DLGAP4: variants seen among roughly 807,000 people sequenced by gnomAD.
The protein encoded by DLGAP4 is DLG associated protein 4.
DLGAP4 carries 18 observed loss-of-function variants against 86.9 expected under a neutral mutation model. The ratio of observed to expected loss-of-function variants is 0.21; its 90% CI spans 0.14 to 0.31. The LOEUF (loss-of-function observed/expected upper bound fraction) is 0.31, where lower values mean the gene tolerates loss of function less well. DLGAP4 is among the 10% of genes least tolerant of loss of function. The pLI, the probability that DLGAP4 is intolerant of heterozygous loss-of-function variation, is 1.00. For synonymous variants in DLGAP4, 548 were observed against 574.3 expected, an observed-to-expected ratio of 0.95 and a Z score of 0.65; for missense variants, 1,085 against 1,362.6, an observed-to-expected ratio of 0.80 and a Z score of 3.21.
chr20:36,352,196 G>A (rs1247116111), intron 1 of DLGAP4, among the ~76,000 whole-genome samples: 1 of 152,172 alleles, frequency 6.6e-6, no homozygotes, highest in African/African-American at 2.4e-5. Flanking sequence ...TGGGGAAGGA[G>A]GGCATGATGG....
chr20:36,496,695 C>T lies in DLGAP4; in HGVS notation c.1649-10C>T, dbSNP rs774174787. Reference sequence around the variant, plus strand: ...CACCTCTCCCCTGCCCTTCTCTCATCCATCTGCAGGTTCATCATGCCTAGT... The same window carrying T: ...CACCTCTCCCCTGCCCTTCTCTCATTCATCTGCAGGTTCATCATGCCTAGT... On this transcript the variant is annotated splice_polypyrimidine_tract_variant and intron_variant, in intron 7 of 12. Transcript: ENST00000339266. 3.8e-6 allele frequency: 6 copies of T among 1,593,064 alleles called. No homozygotes were observed. The East Asian group carries it at 1.4e-4, about 36-fold the overall frequency.
In DLGAP4 at chr20:36,382,810, G is replaced by A. The variant is rs1412196279; in HGVS notation, c.-73+15535G>A. Among the ~76,000 whole-genome samples the A allele has an allele frequency of 4.6e-5, 7 of 152,028 alleles. 1 individual carries two copies. The highest frequency in any genetic ancestry group is 8.8e-5 in the Non-Finnish European group (6 of 68,006). On this transcript the variant is annotated intron_variant, in intron 2 of 12. Coordinates refer to ENST00000339266, the MANE Select transcript of DLGAP4 (RefSeq NM_001365621.2). Reference sequence around the variant, plus strand: ...CTCCCAGAGTGCTGGGATTACAGGCGTGAGCCACCATGCCTGGCTGGCTTG... The same window carrying A: ...CTCCCAGAGTGCTGGGATTACAGGCATGAGCCACCATGCCTGGCTGGCTTG...
intron 2 of DLGAP4, among the ~76,000 whole-genome samples, chr20:36,429,440 T>C (rs1182051449): frequency 3.5e-5 from 5 of 143,004 alleles, no homozygotes; most frequent in Admixed American, 2.2e-4. Context: ...AGTCTTATTC[T>C]GTCACCCAGG....
intron 2 of DLGAP4, among the ~76,000 whole-genome samples, chr20:36,367,899 C>CTG (rs2030753545): frequency 6.6e-6 from 1 of 152,184 alleles, no homozygotes; most frequent in African/African-American, 2.4e-5. Flanking sequence ...TCCCAAGGCT[C>CTG]TGCTGGCATA....
intron 7 of DLGAP4, chr20:36,461,887 C>T (rs1416237157): frequency 2.0e-6 from 2 of 984,954 alleles, no homozygotes; most frequent in East Asian, 1.1e-4. Flanking sequence ...CGCAGCCCCT[C>T]CCTCGCTCCC....
At chr20:36,401,078 G>T (rs1381613827) in intron 2 of DLGAP4, among the ~76,000 whole-genome samples, 3 of 138,274 alleles carry the variant, frequency 2.2e-5, no homozygotes, top group African/African-American at 7.9e-5. Flanking sequence ...TCCCCCACCC[G>T]CCCAGCAACC....
intron 1 of DLGAP4, among the ~76,000 whole-genome samples, chr20:36,317,176 CCTTT>C: frequency 6.6e-6 from 1 of 151,944 alleles, no homozygotes; most frequent in East Asian, 1.9e-4. Context: ...CTCCTTCCTT[CCTTT>C]CTTTTCCTTC....
intron 2 of DLGAP4, among the ~76,000 whole-genome samples, chr20:36,428,710 G>A (rs536946308): frequency 2.4e-4 from 36 of 152,378 alleles, no homozygotes; most frequent in African/African-American, 4.3e-4. Context: ...TCCTGGTTCC[G>A]TGTGGCTTTG....
intron 7 of DLGAP4, chr20:36,461,651 G>A (rs2034059507): frequency 1.6e-6 from 1 of 628,014 alleles, no homozygotes; most frequent in Non-Finnish European, 1.7e-6. Flanking sequence ...GCGAGGAGAC[G>A]GGGGCCGCCC....
At chr20:36,468,135 T>A (rs2034500820) in intron 7 of DLGAP4, among the ~76,000 whole-genome samples, 1 of 152,002 alleles carries the variant, frequency 6.6e-6, no homozygotes, top group African/African-American at 2.4e-5. Context: ...GGTGGAAGAG[T>A]CAGAGGAGCT....
At chr20:36,463,090 G>A (rs1195068933) in intron 7 of DLGAP4, among the ~76,000 whole-genome samples, 1 of 152,186 alleles carries the variant, frequency 6.6e-6, no homozygotes, top group African/African-American at 2.4e-5. Flanking sequence ...GTGGGCAAGT[G>A]AACAAAGGTC....
intron 10 of DLGAP4, among the ~76,000 whole-genome samples, chr20:36,513,758 A>T (rs2036870631): frequency 1.3e-5 from 2 of 152,136 alleles, no homozygotes; most frequent in Non-Finnish European, 2.9e-5. Flanking sequence ...CAGATTAGAT[A>T]TGGGTAAGAG....
At chr20:36,442,609 C>A in intron 5 of DLGAP4, 118 bp from the exon 6 acceptor site, 1 of 1,107,046 alleles carries the variant, frequency 9.0e-7, no homozygotes, top group Non-Finnish European at 1.4e-6. Context: ...TGTGTCCCAG[C>A]CAGTCTGGGG....
chr20:36,505,768 G>A (rs1341603809), intron 10 of DLGAP4, among the ~76,000 whole-genome samples: 1 of 152,156 alleles, frequency 6.6e-6, no homozygotes, highest in East Asian at 1.9e-4. Flanking sequence ...GACAGAGTGA[G>A]ACCCTGTCTC....
At chr20:36,338,497 G>A (rs1169157683) in intron 1 of DLGAP4, among the ~76,000 whole-genome samples, 2 of 152,172 alleles carry the variant, frequency 1.3e-5, no homozygotes, top group Non-Finnish European at 2.9e-5. Flanking sequence ...GCTTGAACCC[G>A]GGAGGCGGAG....
Position 36,466,792 on chromosome 20 carries a change from TC to T in DLGAP4, c.1648+19860del, listed in dbSNP as rs1382786209. 2.0e-5 allele frequency among the ~76,000 whole-genome samples: 3 copies of T among 152,196 alleles called. No homozygotes were observed. The East Asian group carries it at 5.8e-4, about 29-fold the overall frequency. On this transcript the variant is annotated intron_variant, in intron 7 of 12. Transcript: ENST00000339266. ...GACTAGAGCCACATCTCTGCCTCCC[TC>T]CCCCGGGCTCCCTCGTCTCTGTACA... is the stretch of plus-strand genomic sequence containing the variant.
Position 36,431,583 on chromosome 20 carries a change from T to C in DLGAP4, c.-72-63T>C, listed in dbSNP as rs2033130824. The C allele has an allele frequency of 9.7e-7, 1 of 1,029,306 alleles. No individual in the cohort carries two copies. The highest frequency in any genetic ancestry group is 2.9e-5 in the Admixed American group (1 of 34,076). The allele number at this position is 1,029,306 out of a possible 1,614,324, so 63.8% of individuals were successfully genotyped here. A position where few individuals can be genotyped will look rare whatever the true frequency, so the allele number is the denominator to read the frequency against. ...CAGCCTTGCGATCTGGATCTGACCTTCCCGGCACCCCTCCCCGACAATCCA... is the reference window on the plus strand; with the variant it reads ...CAGCCTTGCGATCTGGATCTGACCTCCCCGGCACCCCTCCCCGACAATCCA... On this transcript the variant is annotated intron_variant, in intron 2 of 12. Coordinates refer to ENST00000339266, the MANE Select transcript of DLGAP4 (RefSeq NM_001365621.2). This position sits in a 1 kb window ranked among gnomAD's most constrained non-coding sequence, Gnocchi z 5.1.
intron 2 of DLGAP4, among the ~76,000 whole-genome samples, chr20:36,416,745 G>A (rs2032665602): frequency 6.6e-6 from 1 of 152,146 alleles, no homozygotes; most frequent in South Asian, 2.1e-4. Context: ...TAAGGATAGG[G>A]TGTTTTAAGG....
At chr20:36,315,674 T>G (rs1338847714) in intron 1 of DLGAP4, among the ~76,000 whole-genome samples, 2 of 152,120 alleles carry the variant, frequency 1.3e-5, no homozygotes, top group South Asian at 4.1e-4. Flanking sequence ...GGGCTGGGCC[T>G]CCCCTTCCCA....
Sources: gnomAD v4.1 joint callset for allele counts (sites outside exome capture counted in the v4.1 genomes callset) on GRCh38, gnomAD v4.1.1 for gene constraint, Gnocchi (gnomAD v3.1) non-coding constraint, MANE v1.5 for transcripts, NCBI Gene and HGNC (gene_info 2026-07-23, HGNC 2026-07-21) for gene names.